Variants in KCTD8 observed in about 807,000 individuals in gnomAD.
KCTD8 encodes potassium channel tetramerization domain containing 8.
A neutral mutation model predicts 31.5 loss-of-function variants in KCTD8; 27 were observed. That is an observed-to-expected ratio of 0.86 (90% CI 0.63 to 1.18). The LOEUF (loss-of-function observed/expected upper bound fraction) is 1.18. Ranked by LOEUF, KCTD8 falls within the 50% of genes most tolerant of loss-of-function variation. KCTD8 has a pLI of 0.00. For synonymous variants in KCTD8, 290 were observed against 280.0 expected, an observed-to-expected ratio of 1.04 and a Z score of -0.36; for missense variants, 658 against 647.7, an observed-to-expected ratio of 1.02 and a Z score of -0.17.
At chr4:44,254,513 C>G (rs938881125) in intron 1 of KCTD8, among the ~76,000 whole-genome samples, 5 of 151,960 alleles carry the variant, frequency 3.3e-5, no homozygotes, top group Middle Eastern at 6.8e-3. Context: ...CCAACACAGA[C>G]TTATTATCCC....
intron 1 of KCTD8, among the ~76,000 whole-genome samples, chr4:44,417,547 T>C (rs1228594499): frequency 6.9e-5 from 1 of 14,442 alleles, no homozygotes; most frequent in Non-Finnish European, 1.9e-4. Flanking sequence ...AAGAAATCAT[T>C]TCTTACTTGA....
At chr4:44,230,688 A>G (rs1449669268) in intron 1 of KCTD8, among the ~76,000 whole-genome samples, 2 of 152,228 alleles carry the variant, frequency 1.3e-5, no homozygotes, top group East Asian at 3.9e-4. Context: ...AGGACAGCTC[A>G]GGGCCTCTCA....
intron 1 of KCTD8, among the ~76,000 whole-genome samples, chr4:44,341,065 C>T (rs1394639018): frequency 6.6e-6 from 1 of 151,970 alleles, no homozygotes; most frequent in Non-Finnish European, 1.5e-5. Flanking sequence ...TGGTTTGAGA[C>T]CATAGCAATA....
Position 44,317,924 on chromosome 4 carries a change from C to T in KCTD8, c.961+129639G>A, listed in dbSNP as rs144187111. Among the ~76,000 whole-genome samples the T allele has an allele frequency of 5.3e-3, 811 of 152,278 alleles. 12 individuals are homozygous for T. The highest frequency in any genetic ancestry group is 0.018 in the African/African-American group (754 of 41,564). ...TGTCAAAAACTCCAATTGCTAGATA[C>T]TTGGTTTACAATGGAACAGGAATGG... On this transcript the variant is annotated intron_variant, in intron 1 of 1. Transcript: ENST00000360029.
chr4:44,442,041 T>TA (rs1173623102), intron 1 of KCTD8, among the ~76,000 whole-genome samples: 1 of 152,140 alleles, frequency 6.6e-6, no homozygotes. Context: ...AGATAGCATA[T>TA]AAACCAGCTA....
At chr4:44,358,900 A>T (rs1719426038) in intron 1 of KCTD8, among the ~76,000 whole-genome samples, 1 of 151,928 alleles carries the variant, frequency 6.6e-6, no homozygotes, top group South Asian at 2.1e-4. Flanking sequence ...TGTGGTTTTG[A>T]TTTGCATTTC....
chr4:44,185,759 T>A (rs964553527), intron 1 of KCTD8, among the ~76,000 whole-genome samples: 18 of 152,142 alleles, frequency 1.2e-4, no homozygotes, highest in Admixed American at 5.2e-4. Context: ...TTTTTTTTTT[T>A]AATAACCCAT....
intron 1 of KCTD8, among the ~76,000 whole-genome samples, chr4:44,238,000 C>T (rs1715341574): frequency 6.6e-6 from 1 of 152,156 alleles, no homozygotes; most frequent in East Asian, 1.9e-4. Flanking sequence ...AAGCAAACTT[C>T]CACTATATTT....
At chr4:44,414,410 G>A (rs890726913) in intron 1 of KCTD8, among the ~76,000 whole-genome samples, 2 of 152,080 alleles carry the variant, frequency 1.3e-5, no homozygotes, top group African/African-American at 4.8e-5. Context: ...ATGACCAATT[G>A]ATTTCCAGGA....
chr4:44,211,344 G>A (rs926151985), intron 1 of KCTD8, among the ~76,000 whole-genome samples: 1 of 152,002 alleles, frequency 6.6e-6, no homozygotes, highest in Non-Finnish European at 1.5e-5. Flanking sequence ...ACTTTCCCTT[G>A]TTTGTAAATT....
In KCTD8 at chr4:44,448,443, G is replaced by GCAGGGCC. The variant is rs781395961; in HGVS notation, c.80_81insGGCCCTG (p.Ser29LeufsTer18). 1.9e-6 allele frequency: 3 copies of GCAGGGCC among 1,548,272 alleles called. No homozygotes were observed. The highest frequency in any genetic ancestry group is 2.5e-5 in the South Asian group (2 of 79,996). On this transcript the variant is annotated frameshift_variant, in exon 1 of 2. Coordinates refer to ENST00000360029, the MANE Select transcript of KCTD8 (RefSeq NM_198353.3). LOFTEE classifies it high-confidence loss of function. The surrounding 1 kb of genome is among the most constrained non-coding windows in gnomAD (Gnocchi z 4.1). ...GCCCCGGGGCGGCGGCGGCCGACGC[G>GCAGGGCC]CCGGGCGAGCTGGACGAGGAAACCA...
chr4:44,330,198 T>C (rs1174240598), intron 1 of KCTD8, among the ~76,000 whole-genome samples: 2 of 152,006 alleles, frequency 1.3e-5, no homozygotes, highest in Admixed American at 1.3e-4. Context: ...ATCAGTAATA[T>C]GTTGTTAGAA....
intron 1 of KCTD8, among the ~76,000 whole-genome samples, chr4:44,365,498 T>C (rs1719607778): frequency 6.6e-6 from 1 of 152,124 alleles, no homozygotes; most frequent in African/African-American, 2.4e-5. Context: ...ATGCATTGAA[T>C]AGAATACGGA....
chr4:44,382,686 C>T (rs1193123499), intron 1 of KCTD8, among the ~76,000 whole-genome samples: 1 of 150,648 alleles, frequency 6.6e-6, no homozygotes, highest in Non-Finnish European at 1.5e-5. Flanking sequence ...GTTGAAATTG[C>T]ACCATTGCAT....
intron 1 of KCTD8, among the ~76,000 whole-genome samples, chr4:44,339,745 G>A (rs1718847416): frequency 6.6e-6 from 1 of 152,028 alleles, no homozygotes; most frequent in Non-Finnish European, 1.5e-5. Context: ...ATACACCAAG[G>A]TAGACCAATA....
At chr4:44,326,854 A>G (rs1324089035) in intron 1 of KCTD8, among the ~76,000 whole-genome samples, 1 of 151,882 alleles carries the variant, frequency 6.6e-6, no homozygotes, top group Admixed American at 6.6e-5. Flanking sequence ...GTATTCTGAG[A>G]GTGAAATTAA....
At chr4:44,445,921 G>A (rs1390685325) in intron 1 of KCTD8, among the ~76,000 whole-genome samples, 1 of 152,162 alleles carries the variant, frequency 6.6e-6, no homozygotes, top group East Asian at 1.9e-4. Context: ...TTTAAGAGAT[G>A]TCAATTTTAT....
intron 1 of KCTD8, among the ~76,000 whole-genome samples, chr4:44,186,937 ATTTTATTTTGTT>A (rs1245167239): frequency 6.6e-6 from 1 of 151,696 alleles, no homozygotes. Flanking sequence ...TTTTTGTTTT[ATTTTATTTTGTT>A]TTAACCAAAA....
intron 1 of KCTD8, among the ~76,000 whole-genome samples, chr4:44,340,335 G>T (rs936289608): frequency 6.6e-5 from 10 of 150,704 alleles, no homozygotes; most frequent in African/African-American, 2.2e-4. Flanking sequence ...GTCTGGCTCT[G>T]TTGCCCAGGC....
Sources: gnomAD v4.1 joint callset for allele counts (sites outside exome capture counted in the v4.1 genomes callset) on GRCh38, gnomAD v4.1.1 for gene constraint, Gnocchi (gnomAD v3.1) non-coding constraint, MANE v1.5 for transcripts, NCBI Gene and HGNC (gene_info 2026-07-23, HGNC 2026-07-21) for gene names.